The following B4GALNT3 variants were observed in gnomAD, a reference collection of about 807,000 sequenced individuals.
B4GALNT3 encodes the protein beta-1,4-N-acetyl-galactosaminyltransferase 3.
B4GALNT3 carries 86 observed loss-of-function variants against 120.2 expected under a neutral mutation model. The ratio of observed to expected loss-of-function variants is 0.72; its 90% CI spans 0.60 to 0.86. The LOEUF is 0.86. Among genes scored for constraint, B4GALNT3 ranks in the 40% least tolerant of loss-of-function variants. The pLI is 0.00. For missense variants in B4GALNT3, 1,167 were observed against 1,298.9 expected (o/e 0.90, Z 1.56); for synonymous variants, 518 against 510.4 (o/e 1.01, Z -0.20).
At chr12:511,749 C>G (rs1278834625) in intron 1 of B4GALNT3, among the ~76,000 whole-genome samples, 4 of 94,754 alleles carry the variant, frequency 4.2e-5, no homozygotes, top group African/African-American at 2.0e-4. Context: ...TTCCACCTTC[C>G]ACCTTCTTCC....
chr12:553,659 G>A lies in B4GALNT3; in HGVS notation c.1736G>A (p.Arg579Gln), dbSNP rs371561418. The change falls in exon 14 of 20, where the codon CGG (arginine) becomes CAG (glutamine). Residue 579 changes from arginine to glutamine, a missense_variant. Physicochemically the swap from Arg to Gln is conservative, Grantham distance 43. This residue lies in a region of B4GALNT3 where 983 missense variants were observed against 1,102.5 expected (regional missense o/e 0.89). Coordinates refer to ENST00000266383, the MANE Select transcript of B4GALNT3 (RefSeq NM_173593.4). The part of the protein sequence containing the change: ...IAEQRRGDRM[R>Q]PQAPGRGWHG... ...GAGCAGAGACGGGGTGACAGGATGC[G>A]GCCTCAGGCCCCTGGAAGGGGCTGG... The A allele has an allele frequency of 4.8e-5, 78 of 1,614,054 alleles. 1 individual carries two copies. Among genetic ancestry groups the A allele is most frequent in the African/African-American group, 4.7e-4 (35 of 75,072 alleles).
At chr12:464,367 C>T (rs2120408142) in intron 1 of B4GALNT3, among the ~76,000 whole-genome samples, 1 of 152,270 alleles carries the variant, frequency 6.6e-6, no homozygotes, top group South Asian at 2.1e-4. Context: ...TGGTGGCTCA[C>T]ACCTGTAATC....
chr12:556,005 G>A lies in B4GALNT3; in HGVS notation c.2061-542G>A, dbSNP rs533723994. 1.7e-3 allele frequency among the ~76,000 whole-genome samples: 258 copies of A among 151,390 alleles called. 1 individual carries two copies. Among genetic ancestry groups the A allele is most frequent in the African/African-American group, 5.3e-3 (221 of 41,312 alleles). On this transcript the variant is annotated intron_variant, in intron 14 of 19. Coordinates refer to ENST00000266383, the MANE Select transcript of B4GALNT3 (RefSeq NM_173593.4). ...TCACCATATTAGCCAGGCTGGTCTT[G>A]ATCTCCTGACCTTGTGATCCACCTG... is the stretch of plus-strand genomic sequence containing the variant.
At chr12:478,952 C>A (rs1427710766) in intron 1 of B4GALNT3, among the ~76,000 whole-genome samples, 1 of 152,140 alleles carries the variant, frequency 6.6e-6, no homozygotes, top group Non-Finnish European at 1.5e-5. Context: ...AAAATGACAC[C>A]CACCTAGCGT....
At chr12:492,687 A>G (rs899293622) in intron 1 of B4GALNT3, among the ~76,000 whole-genome samples, 1 of 152,226 alleles carries the variant, frequency 6.6e-6, no homozygotes, top group Non-Finnish European at 1.5e-5. Flanking sequence ...ACAAAGTCAG[A>G]AGACTGACAC....
chr12:515,515 A>G (rs1946644494), intron 1 of B4GALNT3, among the ~76,000 whole-genome samples: 1 of 152,130 alleles, frequency 6.6e-6, no homozygotes, highest in African/African-American at 2.4e-5. Flanking sequence ...TTTTTATGAC[A>G]ATTAAAAGGG....
In B4GALNT3 at chr12:558,627, G is replaced by A; in HGVS notation, c.2727G>A (p.Arg909=). The change falls in exon 18 of 20, where the codon AGG becomes AGA. Residue 909 remains arginine, a synonymous_variant. Coordinates refer to ENST00000266383, the MANE Select transcript of B4GALNT3 (RefSeq NM_173593.4). ...TGGCCTTTGCCCCCATGGTGATGAG[G>A]CTGCATTGTGGGGCCACCCCCCAGT... is the stretch of plus-strand genomic sequence containing the variant. ...GKMAFAPMVM[R]LHCGATPQWP... is the part of the protein sequence containing the mutation. 2 of 1,614,020 alleles carry A rather than the reference G, an allele frequency of 1.2e-6. No homozygotes were observed. The highest frequency in any genetic ancestry group is 1.7e-6 in the Non-Finnish European group (2 of 1,179,988).
At chr12:491,509 T>G (rs1252091150) in intron 1 of B4GALNT3, among the ~76,000 whole-genome samples, 1 of 151,856 alleles carries the variant, frequency 6.6e-6, no homozygotes, top group Non-Finnish European at 1.5e-5. Context: ...TTTGTATTTT[T>G]GTAGAGACGG....
At chr12:462,485 G>A (rs1245117541) in intron 1 of B4GALNT3, among the ~76,000 whole-genome samples, 1 of 151,148 alleles carries the variant, frequency 6.6e-6, no homozygotes, top group African/African-American at 2.4e-5. Context: ...CAATTCTTGA[G>A]TCTGTTGGGT....
intron 1 of B4GALNT3, among the ~76,000 whole-genome samples, chr12:482,997 C>T (rs937670049): frequency 6.6e-6 from 1 of 152,076 alleles, no homozygotes; most frequent in Non-Finnish European, 1.5e-5. Context: ...AGCCTTAACC[C>T]CCTGGGTTCA....
Position 553,476 on chromosome 12 carries a change from C to T in B4GALNT3, c.1553C>T (p.Pro518Leu), listed in dbSNP as rs755849468. The change falls in exon 14 of 20, where the codon CCC (proline) becomes CTC (leucine). Residue 518 changes from proline (P) to leucine (L), a missense_variant. Physicochemically the swap from Pro to Leu is moderately conservative, Grantham distance 98. This residue lies in a region of B4GALNT3 where 983 missense variants were observed against 1,102.5 expected (regional missense o/e 0.89). Transcript: ENST00000266383. ...CAGCCAGAGAAGAGGAAGCAAAAAC[C>T]CAGCCCTGAGCCCAGCCAAGATTCA... ...VQQPEKRKQK[P>L]SPEPSQDSPH... The T allele has an allele frequency of 3.7e-6, 6 of 1,614,174 alleles. No homozygotes were observed. The South Asian group carries it at 5.5e-5, about 15-fold the overall frequency.
intron 3 of B4GALNT3, among the ~76,000 whole-genome samples, chr12:542,271 G>C (rs1946927107): frequency 6.6e-6 from 1 of 152,094 alleles, no homozygotes; most frequent in Admixed American, 6.5e-5. Context: ...CATTGAGGCA[G>C]TGTTCCCCAG....
chr12:460,949 G>A lies in B4GALNT3; in HGVS notation c.169+404G>A, dbSNP rs557192842. Among the ~76,000 whole-genome samples the A allele has an allele frequency of 7.9e-5, 12 of 152,306 alleles. No homozygotes were observed. In the South Asian group the frequency reaches 2.5e-3, roughly 32 times the overall value. The stretch of plus-strand genomic sequence containing the variant: ...GCGCGAGCTAGGGATTCGGGTGCGG[G>A]ATGCCCTCGGCCGTCCACACCCAGG... On this transcript the variant is annotated intron_variant, in intron 1 of 19. Coordinates refer to ENST00000266383, the MANE Select transcript of B4GALNT3 (RefSeq NM_173593.4). This position sits in a 1 kb window ranked among gnomAD's most constrained non-coding sequence, Gnocchi z 8.0.
intron 1 of B4GALNT3, among the ~76,000 whole-genome samples, chr12:478,030 G>T (rs1366180543): frequency 6.6e-6 from 1 of 152,046 alleles, no homozygotes; most frequent in African/African-American, 2.4e-5. Flanking sequence ...TGGGCATATT[G>T]CTTGCACCTA....
chr12:523,263 C>G (rs548616556), intron 1 of B4GALNT3, among the ~76,000 whole-genome samples: 1 of 152,320 alleles, frequency 6.6e-6, no homozygotes, highest in Non-Finnish European at 1.5e-5. Context: ...TGCCAGGCCT[C>G]TCACTAAACC....
chr12:559,224 G>A, intron 18 of B4GALNT3, 71 bp from the exon 19 acceptor site: 1 of 1,599,650 alleles, frequency 6.3e-7, no homozygotes, highest in Non-Finnish European at 8.6e-7. Context: ...TAGGCACACA[G>A]CCTGGAAGCC....
chr12:500,594 A>G (rs1946429353), intron 1 of B4GALNT3, among the ~76,000 whole-genome samples: 1 of 152,148 alleles, frequency 6.6e-6, no homozygotes, highest in South Asian at 2.1e-4. Flanking sequence ...CCTTCCGGTC[A>G]TTCCACTTAT....
In B4GALNT3 at chr12:549,881, T is replaced by G. The variant is rs774457679; in HGVS notation, c.966T>G (p.Leu322=). 6.2e-7 allele frequency: 1 copy of G among 1,613,468 alleles called. No homozygotes were observed. Among genetic ancestry groups the G allele is most frequent in the South Asian group, 1.1e-5 (1 of 91,046 alleles). ...ATGAGCAGCCGCCCGCTGACATGCT[T>G]CGGCCTGACCCCCGGGACACCCTCT... ...PRDEQPPADM[L]RPDPRDTLYR... The change falls in exon 10 of 20, where the codon CTT becomes CTG. Residue 322 remains leucine (L), a synonymous_variant. Transcript: ENST00000266383.
intron 6 of B4GALNT3, among the ~76,000 whole-genome samples, chr12:545,673 T>TGTGGGGAGGAGTGAGGA (rs1946987015): frequency 1.2e-5 from 1 of 80,342 alleles, no homozygotes; most frequent in Non-Finnish European, 2.6e-5. Flanking sequence ...AGGAGCGAGG[T>TGTGGGGAGGAGTGAGGA]GTGGGGAGGA....
Sources: allele counts gnomAD v4.1 joint callset (sites outside exome capture counted in the v4.1 genomes callset), GRCh38; gene constraint gnomAD v4.1.1; regional missense constraint gnomAD v4.1.1; non-coding constraint Gnocchi (gnomAD v3.1); transcripts MANE v1.5; gene names NCBI Gene and HGNC (gene_info 2026-07-23, HGNC 2026-07-21).